Variants in UGT2B4 observed in about 807,000 individuals in gnomAD.
UGT2B4 encodes UDP glucuronosyltransferase family 2 member B4.
Under a neutral mutation model 49.8 loss-of-function variants are expected in UGT2B4, and 49 were observed. That is an observed-to-expected ratio of 0.98 (90% confidence interval 0.78 to 1.25). UGT2B4 has a LOEUF of 1.25. Among genes scored for constraint, UGT2B4 ranks in the 50% most tolerant of loss-of-function variants. The pLI is 0.00. For synonymous variants in UGT2B4, 246 were observed against 217.7 expected (o/e 1.13, Z -1.14); for missense variants, 729 against 627.7 (o/e 1.16, Z -1.73).
chr4:69,491,583 T>A (rs1727987174), intron 2 of UGT2B4, among the ~76,000 whole-genome samples: 1 of 152,294 alleles, frequency 6.6e-6, no homozygotes, highest in Admixed American at 6.5e-5. Context: ...TTTTACATGA[T>A]AAACAATTAG....
chr4:69,487,970 A>T (rs1371383978), intron 3 of UGT2B4, among the ~76,000 whole-genome samples: 1 of 152,116 alleles, frequency 6.6e-6, no homozygotes, highest in Non-Finnish European at 1.5e-5. Flanking sequence ...ACTTATCTAT[A>T]AGTCATTTTA....
rs548015731 is a variant in UGT2B4 at position 69,521,404 on chromosome 4, A to G, written c.-106+4283T>C. On this transcript the variant is annotated intron_variant, in intron 1 of 1. Coordinates refer to the UGT2B4 transcript ENST00000510114. ...TGATGTCTCCAAGCTTCCAGGTGCC[A>G]CCACATTCCCCTCATCCAGATGTGG... Among the ~76,000 whole-genome samples the G allele has an allele frequency of 4.6e-5, 7 of 152,238 alleles. No homozygotes were observed. In the South Asian group the frequency reaches 1.5e-3, roughly 32 times the overall value.
chr4:69,513,870 C>A (rs1728667167), intron 1 of UGT2B4, among the ~76,000 whole-genome samples: 1 of 152,180 alleles, frequency 6.6e-6, no homozygotes, highest in South Asian at 2.1e-4. Context: ...ATTTGGCTCT[C>A]TGCTTCCCTG....
intron 5 of UGT2B4, among the ~76,000 whole-genome samples, chr4:69,482,395 G>T (rs1272438778): frequency 2.0e-5 from 3 of 152,114 alleles, no homozygotes; most frequent in African/African-American, 7.2e-5. Context: ...GCCCAATAAG[G>T]TAAGATCATC....
At chr4:69,525,931 C>G in exon 1 of UGT2B4, 1 of 202,324 alleles carries the variant, frequency 4.9e-6, no homozygotes, top group Non-Finnish European at 1.0e-5. Flanking sequence ...GAAACCCCAT[C>G]TCTACTAAAA....
At chr4:69,521,920 C>G (rs1392554612) in intron 1 of UGT2B4, among the ~76,000 whole-genome samples, 1 of 152,184 alleles carries the variant, frequency 6.6e-6, no homozygotes, top group Non-Finnish European at 1.5e-5. Flanking sequence ...CTTTCAGGAA[C>G]TGATATATCA....
chr4:69,517,260 G>A (rs1199004002), intron 1 of UGT2B4, among the ~76,000 whole-genome samples: 1 of 151,618 alleles, frequency 6.6e-6, no homozygotes, highest in African/African-American at 2.4e-5. Flanking sequence ...AAAGCATCCT[G>A]GGAAATATTT....
intron 1 of UGT2B4, among the ~76,000 whole-genome samples, chr4:69,503,232 G>T (rs1728388648): frequency 6.6e-6 from 1 of 152,088 alleles, no homozygotes. Context: ...CTTCCCCAGG[G>T]CCCCAGCCTG....
chr4:69,500,670 G>GAAAGAAAGA (rs1560438465), upstream of UGT2B4, among the ~76,000 whole-genome samples: 1,087 of 62,564 alleles, frequency 0.017, 10 homozygotes, highest in Middle Eastern at 0.039. Flanking sequence ...AGAAAGAAAG[G>GAAAGAAAGA]AAGGAAAGAA....
At chr4:69,516,691 C>G (rs915789319) in intron 1 of UGT2B4, among the ~76,000 whole-genome samples, 1 of 151,654 alleles carries the variant, frequency 6.6e-6, no homozygotes, top group African/African-American at 2.4e-5. Context: ...ACTGCAACCT[C>G]CACCTCTTAG....
At chr4:69,495,972 A>G (rs1728151059), upstream of UGT2B4, 3 of 1,466,504 alleles carry the variant, frequency 2.0e-6, no homozygotes, top group African/African-American at 1.4e-5. Flanking sequence ...TTACACTTCA[A>G]AGTAAATACA....
chr4:69,494,360 T>C (rs1728081574), intron 1 of UGT2B4, among the ~76,000 whole-genome samples: 1 of 152,224 alleles, frequency 6.6e-6, no homozygotes, highest in South Asian at 2.1e-4. Flanking sequence ...TGAGTCATGC[T>C]AACCTCATAA....
At chr4:69,483,900 A>T (rs1727687010) in intron 5 of UGT2B4, among the ~76,000 whole-genome samples, 1 of 152,198 alleles carries the variant, frequency 6.6e-6, no homozygotes, top group African/African-American at 2.4e-5. Context: ...TATAAATTAT[A>T]TATCTCATAT....
At position 69,480,560 on chromosome 4, in the gene UGT2B4, C is replaced by T. The variant is rs1305505188; in HGVS notation, c.*74G>A. The T allele has an allele frequency of 2.0e-6, 3 of 1,531,000 alleles. No individual in the cohort carries two copies. The highest frequency in any genetic ancestry group is 2.8e-5 in the African/African-American group (2 of 72,292). 94.8% of individuals were successfully genotyped at this position (1,531,000 alleles called of 1,614,324 possible). Reference sequence around the variant, plus strand: ...ACAAGAAGAAAGGAATCTCTTGTATCACAACGTCTTCTTGTTGTAATAAAC... The same window carrying T: ...ACAAGAAGAAAGGAATCTCTTGTATTACAACGTCTTCTTGTTGTAATAAAC... On this transcript the variant is annotated 3_prime_UTR_variant, in exon 6 of 6. Transcript: ENST00000305107.
At chr4:69,493,628 T>G in intron 2 of UGT2B4, 65 bp downstream of exon 2, 1 of 1,515,254 alleles carries the variant, frequency 6.6e-7, no homozygotes. Context: ...TCAAACACTT[T>G]GAATGAATAT....
At chr4:69,497,917 C>T (rs1728207756), upstream of UGT2B4, among the ~76,000 whole-genome samples, 1 of 152,170 alleles carries the variant, frequency 6.6e-6, no homozygotes, top group African/African-American at 2.4e-5. Context: ...TGTTTTCTTA[C>T]CCTTAAGAAA....
In UGT2B4 at chr4:69,495,342, A is replaced by G. The variant is rs1018480544; in HGVS notation, c.520T>C (p.Phe174Leu). The G allele has an allele frequency of 6.8e-6, 11 of 1,613,370 alleles. No individual in the cohort carries two copies. The highest frequency in any genetic ancestry group is 6.7e-5 in the African/African-American group (5 of 74,892). The part of the protein sequence containing the change: ...LKIPFVYSLR[F>L]SPGYAIEKHS... The stretch of plus-strand genomic sequence containing the variant: ...TTTTCAATTGCGTAGCCAGGAGAGA[A>G]GCGGAGGCTGTAGACAAAGGGTATT... The change falls in exon 1 of 6, where the codon TTC becomes CTC. Residue 174 changes from phenylalanine (F) to leucine (L), a missense_variant. Coordinates refer to ENST00000305107, the MANE Select transcript of UGT2B4 (RefSeq NM_021139.3).
chr4:69,507,776 T>C (rs1229856260), intron 1 of UGT2B4, among the ~76,000 whole-genome samples: 1 of 152,060 alleles, frequency 6.6e-6, no homozygotes, highest in Non-Finnish European at 1.5e-5. Flanking sequence ...AACTATGCAA[T>C]AGCATTCAGA....
At chr4:69,518,261 A>C (rs1476413985) in intron 1 of UGT2B4, 1 of 152,398 alleles carries the variant, frequency 6.6e-6, no homozygotes, top group African/African-American at 2.4e-5. Context: ...ACCCCTCTCT[A>C]TGAGTTCCTC....
Sources: gnomAD v4.1 joint callset for allele counts (sites outside exome capture counted in the v4.1 genomes callset) on GRCh38, gnomAD v4.1.1 for gene constraint, MANE v1.5 for transcripts, NCBI Gene and HGNC (gene_info 2026-07-23, HGNC 2026-07-21) for gene names.